Variants in ZNF701 observed in about 807,000 individuals in gnomAD.
ZNF701 encodes the protein zinc finger protein 701.
In ZNF701, 6 loss-of-function variants were observed where a neutral mutation model predicts 7.1. The ratio of observed to expected loss-of-function variants is 0.84; its 90% CI spans 0.46 to 1.66. The LOEUF (loss-of-function observed/expected upper bound fraction) is 1.66. ZNF701 is among the 40% of genes most tolerant of loss of function. The probability of loss-of-function intolerance (pLI) is 0.01; values close to 1 mark genes in which losing one functional copy is unlikely to be tolerated. For missense variants in ZNF701, 541 were observed against 559.2 expected, an observed-to-expected ratio of 0.97 and a Z score of 0.33; for synonymous variants, 166 against 188.2, an observed-to-expected ratio of 0.88 and a Z score of 0.97.
At chr19:52,596,406 C>G in the ZNF701 span, 3 of 400,350 alleles carry the variant, frequency 7.5e-6, no homozygotes, top group African/African-American at 6.4e-5. Flanking sequence ...AGTTGAGGAT[C>G]ACAACTTGAA....
downstream of ZNF701, chr19:52,587,319 C>A: frequency 6.5e-6 from 1 of 153,048 alleles, no homozygotes; most frequent in South Asian, 1.8e-4. Context: ...CGGGACCCCT[C>A]TGACTTCATC....
intron 1 of ZNF701, chr19:52,570,626 C>T (rs1262078694): frequency 6.6e-6 from 1 of 152,288 alleles, no homozygotes; most frequent in Non-Finnish European, 1.5e-5. Flanking sequence ...TTTCAAAGTC[C>T]TCACCCGAGA....
intron 3 of ZNF701, among the ~76,000 whole-genome samples, chr19:52,577,258 C>T (rs2146985211): frequency 6.6e-6 from 1 of 152,208 alleles, no homozygotes; most frequent in Middle Eastern, 3.4e-3. Context: ...CACCACCATG[C>T]CCAGCTAATT....
At chr19:52,579,479 C>G (rs1048070596) in intron 3 of ZNF701, among the ~76,000 whole-genome samples, 1 of 127,988 alleles carries the variant, frequency 7.8e-6, no homozygotes, top group Non-Finnish European at 1.5e-5. Context: ...GAGATTGTGC[C>G]ATTGCACTCC....
intron 3 of ZNF701, 122 bp downstream of exon 3, chr19:52,576,143 T>A (rs1172858236): frequency 6.8e-5 from 107 of 1,569,192 alleles, no homozygotes; most frequent in Non-Finnish European, 8.8e-5. Flanking sequence ...GAGTTAGAAA[T>A]GAAAAGCTTC....
downstream of ZNF701, among the ~76,000 whole-genome samples, chr19:52,591,240 C>T (rs1355752770): frequency 2.6e-5 from 4 of 152,080 alleles, no homozygotes; most frequent in Admixed American, 6.6e-5. Flanking sequence ...TGCAGTGGTG[C>T]GATCTCGGCT....
At chr19:52,572,658 G>A (rs1264382212) in intron 1 of ZNF701, 13 of 346,848 alleles carry the variant, frequency 3.7e-5, no homozygotes, top group Non-Finnish European at 6.7e-5. Flanking sequence ...GGATGTCACA[G>A]CTAAATCTAA....
downstream of ZNF701, among the ~76,000 whole-genome samples, chr19:52,590,674 C>A (rs575468294): frequency 1.3e-5 from 2 of 152,082 alleles, no homozygotes; most frequent in African/African-American, 4.8e-5. Context: ...GTCACTTTAT[C>A]CTCTGCTCTC....
the ZNF701 span, chr19:52,597,670 C>A: frequency 6.1e-6 from 2 of 326,670 alleles, no homozygotes; most frequent in Non-Finnish European, 1.2e-5. Context: ...TGGGGTGGGA[C>A]CTGATTAGAA....
At chr19:52,572,907 C>T (rs1439089814) in intron 1 of ZNF701, among the ~76,000 whole-genome samples, 2 of 152,180 alleles carry the variant, frequency 1.3e-5, no homozygotes, top group African/African-American at 4.8e-5. Context: ...ACTGCTCTTA[C>T]CCTATTTCTC....
intron 3 of ZNF701, 69 bp downstream of exon 3, chr19:52,576,090 C>G: frequency 6.2e-7 from 1 of 1,607,864 alleles, no homozygotes; most frequent in Middle Eastern, 1.7e-4. Flanking sequence ...CTTGTTGCCT[C>G]TTGGGAGCCA....
At chr19:52,591,450 G>A (rs554665733), downstream of ZNF701, among the ~76,000 whole-genome samples, 30 of 152,100 alleles carry the variant, frequency 2.0e-4, no homozygotes, top group Non-Finnish European at 3.1e-4. Context: ...CAAAGTGATG[G>A]GATTACAGGT....
chr19:52,580,536 C>T (rs2146990948), intron 3 of ZNF701, among the ~76,000 whole-genome samples: 1 of 152,168 alleles, frequency 6.6e-6, no homozygotes, highest in South Asian at 2.1e-4. Context: ...TTAGTCAATT[C>T]TTATTCCTTA....
chr19:52,575,385 C>G (rs527891854), intron 2 of ZNF701, among the ~76,000 whole-genome samples: 3 of 152,168 alleles, frequency 2.0e-5, no homozygotes, highest in East Asian at 3.9e-4. Flanking sequence ...TTTTGAAAAT[C>G]TGAGACAAAT....
intron 2 of ZNF701, among the ~76,000 whole-genome samples, chr19:52,575,444 A>T (rs935072320): frequency 2.7e-5 from 4 of 150,524 alleles, no homozygotes; most frequent in South Asian, 4.2e-4. Context: ...TGTAGGTTTT[A>T]TTTTTTTTTT....
intron 2 of ZNF701, among the ~76,000 whole-genome samples, chr19:52,574,556 A>T (rs1465156955): frequency 1.3e-5 from 2 of 152,184 alleles, no homozygotes; most frequent in Admixed American, 6.5e-5. Context: ...AGTACGTGGT[A>T]AATTCTAGAA....
At chr19:52,571,420 A>T (rs1026661390) in intron 1 of ZNF701, among the ~76,000 whole-genome samples, 1 of 152,188 alleles carries the variant, frequency 6.6e-6, no homozygotes, top group Non-Finnish European at 1.5e-5. Context: ...GCAGAGATGC[A>T]GAGATGGGAT....
downstream of ZNF701, among the ~76,000 whole-genome samples, chr19:52,588,877 G>A (rs2060025888): frequency 6.6e-6 from 1 of 152,116 alleles, no homozygotes; most frequent in Admixed American, 6.5e-5. Context: ...TCAAGTATCT[G>A]GGATTACAGG....
At chr19:52,571,468 G>T (rs1433824493) in intron 1 of ZNF701, among the ~76,000 whole-genome samples, 9 of 152,160 alleles carry the variant, frequency 5.9e-5, no homozygotes, top group Non-Finnish European at 8.8e-5. Flanking sequence ...GACGATCGAA[G>T]AATTGGGGAG....
Sources: allele counts gnomAD v4.1 joint callset (sites outside exome capture counted in the v4.1 genomes callset), GRCh38; gene constraint gnomAD v4.1.1; transcripts MANE v1.5; gene names NCBI Gene and HGNC (gene_info 2026-07-23, HGNC 2026-07-21).